WIPF2: variants seen among roughly 807,000 people sequenced by gnomAD.
WIPF2 encodes WAS/WASL interacting protein family member 2, also known as WAS/WASL-interacting protein family member 2.
Under a neutral mutation model 38.8 loss-of-function variants are expected in WIPF2, and 23 were observed. That is an observed-to-expected ratio of 0.59 (90% CI 0.43 to 0.84). The LOEUF is 0.84. Ranked by LOEUF, WIPF2 falls within the 40% of genes least tolerant of loss-of-function variation. The pLI is 0.00. For synonymous variants in WIPF2, 210 were observed against 223.2 expected (o/e 0.94, Z 0.53); for missense variants, 574 against 580.5 (o/e 0.99, Z 0.11).
intron 4 of WIPF2, 140 bp from the exon 5 acceptor site, chr17:40,264,350 A>G (rs534576060): frequency 0.015 from 9,836 of 672,272 alleles, 99 homozygotes; most frequent in Non-Finnish European, 0.018. Flanking sequence ...AAAAAAAAAA[A>G]AAAGAAAAAC....
At position 40,278,377 on chromosome 17, in the gene WIPF2, T is replaced by A. The variant is rs558672060; in HGVS notation, c.*152T>A. 1 of 820,046 alleles carries A rather than the reference T, an allele frequency of 1.2e-6. No individual in the cohort carries two copies. Among genetic ancestry groups the A allele is most frequent in the East Asian group, 2.7e-5 (1 of 37,096 alleles). 50.8% of individuals were successfully genotyped at this position (820,046 alleles called of 1,614,324 possible). ...ACTCCAAATGTCCTCCCAGCTCACCTCCATCTATGCATCTCATCTCTGGAT... is the reference window on the plus strand; with the variant it reads ...ACTCCAAATGTCCTCCCAGCTCACCACCATCTATGCATCTCATCTCTGGAT... On this transcript the variant is annotated 3_prime_UTR_variant, in exon 8 of 8. Transcript: ENST00000323571.
At chr17:40,274,973 C>G (rs1462074551) in intron 6 of WIPF2, among the ~76,000 whole-genome samples, 1 of 149,098 alleles carries the variant, frequency 6.7e-6, no homozygotes, top group African/African-American at 2.5e-5. Context: ...GGTGCAGTGG[C>G]TCACGCCTGT....
chr17:40,224,194 T>C (rs534139865), intron 1 of WIPF2, among the ~76,000 whole-genome samples: 1 of 151,626 alleles, frequency 6.6e-6, no homozygotes, highest in Admixed American at 6.6e-5. Flanking sequence ...GGGCGGACTT[T>C]TGGTACAGCC....
At chr17:40,253,274 G>C (rs1389878241) in intron 1 of WIPF2, among the ~76,000 whole-genome samples, 9 of 151,434 alleles carry the variant, frequency 5.9e-5, no homozygotes, top group Admixed American at 5.3e-4. Context: ...GTGTTAGCCA[G>C]GATGGTCTCC....
At chr17:40,253,391 C>G (rs1323636376) in intron 1 of WIPF2, among the ~76,000 whole-genome samples, 3 of 152,156 alleles carry the variant, frequency 2.0e-5, no homozygotes, top group Non-Finnish European at 4.4e-5. Flanking sequence ...TACTAGCTTT[C>G]TTTGCTAATG....
At chr17:40,264,439 G>C (rs1488272631) in intron 4 of WIPF2, 51 bp from the exon 5 acceptor site, 2 of 1,575,322 alleles carry the variant, frequency 1.3e-6, no homozygotes, top group East Asian at 4.5e-5. Context: ...TAGGGATACT[G>C]ACCAATATCT....
intron 1 of WIPF2, among the ~76,000 whole-genome samples, chr17:40,234,220 A>C (rs934762877): frequency 6.6e-6 from 1 of 152,106 alleles, no homozygotes; most frequent in Admixed American, 6.6e-5. Context: ...TACAAAAATT[A>C]GCTGGGTGTG....
chr17:40,265,206 A>G, intron 5 of WIPF2, 60 bp downstream of exon 5: 1 of 1,518,466 alleles, frequency 6.6e-7, no homozygotes, highest in Non-Finnish European at 8.8e-7. Flanking sequence ...ATCTTTCCCC[A>G]GAGCACTCCT....
At chr17:40,252,284 T>C (rs2031583038) in intron 1 of WIPF2, among the ~76,000 whole-genome samples, 1 of 152,164 alleles carries the variant, frequency 6.6e-6, no homozygotes, top group South Asian at 2.1e-4. Context: ...CCTATGGACA[T>C]GGAAAGAGTA....
intron 1 of WIPF2, among the ~76,000 whole-genome samples, chr17:40,253,404 G>A (rs889461113): frequency 2.0e-5 from 3 of 152,140 alleles, no homozygotes; most frequent in Admixed American, 6.6e-5. Flanking sequence ...TGCTAATGCT[G>A]TGGGCACTTT....
At chr17:40,251,978 AG>A (rs2031574148) in intron 1 of WIPF2, among the ~76,000 whole-genome samples, 1 of 152,114 alleles carries the variant, frequency 6.6e-6, no homozygotes, top group Non-Finnish European at 1.5e-5. Flanking sequence ...TAATTTTTTA[AG>A]GGGTCTTGCT....
intron 1 of WIPF2, among the ~76,000 whole-genome samples, chr17:40,235,235 A>G (rs538972308): frequency 1.3e-5 from 2 of 152,250 alleles, no homozygotes; most frequent in East Asian, 1.9e-4. Flanking sequence ...TTAAACCACA[A>G]TGGCACTGAT....
At chr17:40,244,674 T>A (rs940769058) in intron 1 of WIPF2, among the ~76,000 whole-genome samples, 5 of 152,148 alleles carry the variant, frequency 3.3e-5, no homozygotes, top group African/African-American at 1.2e-4. Context: ...TACTTTTGGA[T>A]TTGGAGGATG....
At chr17:40,262,667 T>A in intron 4 of WIPF2, 26 bp downstream of exon 4, 1 of 1,570,154 alleles carries the variant, frequency 6.4e-7, no homozygotes, top group Non-Finnish European at 8.8e-7. Flanking sequence ...TTTCCCAGGG[T>A]ATTTCCCTGG....
Position 40,219,368 on chromosome 17 carries a change from TGGCGGCGGCGGCGGCGGC to T in WIPF2, c.-180_-163del, listed in dbSNP as rs60253561. ...ATTTCCGGGTTGGCAAAAGGGGCGG[TGGCGGCGGCGGCGGCGGC>T]GGCGGCGGCGGCGACGGCGAGAAAG... is the stretch of plus-strand genomic sequence containing the variant. On this transcript the variant is annotated 5_prime_UTR_variant, in exon 1 of 8. Coordinates refer to ENST00000323571, the MANE Select transcript of WIPF2 (RefSeq NM_133264.5). 37 of 379,706 alleles carry T rather than the reference TGGCGGCGGCGGCGGCGGC, an allele frequency of 9.7e-5. No homozygotes were observed. Among genetic ancestry groups the T allele is most frequent in the East Asian group, 3.2e-4 (5 of 15,620 alleles). 23.5% of individuals were successfully genotyped at this position (379,706 alleles called of 1,614,324 possible). A position where few individuals can be genotyped will look rare whatever the true frequency, so the allele number is the denominator to read the frequency against.
chr17:40,257,836 G>C (rs747899411), intron 2 of WIPF2, among the ~76,000 whole-genome samples: 3 of 151,992 alleles, frequency 2.0e-5, no homozygotes, highest in Non-Finnish European at 4.4e-5. Flanking sequence ...GAGAAGAATA[G>C]GCCATGGGTG....
In WIPF2 at chr17:40,237,241, C is replaced by CTTT. The variant is rs533124301; in HGVS notation, c.-70+17764_-70+17766dup. Among the ~76,000 whole-genome samples, 1,183 of 129,458 alleles carry CTTT rather than the reference C, an allele frequency of 9.1e-3. 10 individuals carry two copies. The highest frequency in any genetic ancestry group is 0.015 in the Non-Finnish European group (928 of 61,176). The allele number at this position is 129,458 out of a possible 152,430, so 84.9% of individuals were successfully genotyped here. On this transcript the variant is annotated intron_variant, in intron 1 of 7. Transcript: ENST00000323571. ...ATTTTTTTTTCCTATTCAATTTTTC[C>CTTT]TTTTTTTTTTTTTTTTTGAGACAGA... is the stretch of plus-strand genomic sequence containing the variant.
intron 1 of WIPF2, among the ~76,000 whole-genome samples, chr17:40,226,844 C>T (rs759906218): frequency 2.0e-5 from 3 of 151,960 alleles, no homozygotes; most frequent in South Asian, 2.1e-4. Flanking sequence ...TGAGTTCAAG[C>T]GATTCTGCTG....
intron 5 of WIPF2, 57 bp downstream of exon 5, chr17:40,265,203 C>T (rs934376863): frequency 6.6e-7 from 1 of 1,520,324 alleles, no homozygotes; most frequent in African/African-American, 1.4e-5. Flanking sequence ...TTTATCTTTC[C>T]CCAGAGCACT....
Sources: gnomAD v4.1 joint callset for allele counts (sites outside exome capture counted in the v4.1 genomes callset) on GRCh38, gnomAD v4.1.1 for gene constraint, MANE v1.5 for transcripts, NCBI Gene and HGNC (gene_info 2026-07-23, HGNC 2026-07-21) for gene names.